COL18A1: variants seen among roughly 807,000 people sequenced by gnomAD.
The protein encoded by COL18A1 is collagen type XVIII alpha 1 chain.
Under a neutral mutation model 168.0 loss-of-function variants are expected in COL18A1, and 133 were observed. That is an observed-to-expected ratio of 0.79 (90% CI 0.69 to 0.91). The LOEUF is 0.91. Ranked by LOEUF, COL18A1 falls within the 40% of genes least tolerant of loss-of-function variation. The pLI, the probability that COL18A1 is intolerant of heterozygous loss-of-function variation, is 0.00. For synonymous variants in COL18A1, 949 were observed against 809.0 expected, an observed-to-expected ratio of 1.17 and a Z score of -2.94; for missense variants, 2,126 against 1,925.4, an observed-to-expected ratio of 1.10 and a Z score of -1.95.
chr21:45,511,023 ACCCCACATCCAC>A (rs1568954629), intron 40 of COL18A1, 76 bp from the exon 41 acceptor site: 9 of 242,464 alleles, frequency 3.7e-5, no homozygotes, highest in Non-Finnish European at 7.6e-5. Context: ...ACACATCCAC[ACCCCACATCCAC>A]ACACCCCCCC....
In COL18A1 at chr21:45,511,182, C is replaced by T. The variant is rs886057135; in HGVS notation, c.3765C>T (p.Arg1255=). Residue 1255 remains arginine, a synonymous_variant, in exon 41 of 42, where the codon CGC becomes CGT. Transcript: ENST00000651438. The part of the protein sequence containing the change: ...GSEGPLKPGA[R]IFSFDGKDVL... ...AGGGTCCGCTGAAGCCCGGGGCACG[C>T]ATCTTCTCCTTTGACGGCAAGGACG... 6.2e-7 allele frequency: 1 copy of T among 1,600,648 alleles called. No homozygotes were observed. The highest frequency in any genetic ancestry group is 1.1e-5 in the South Asian group (1 of 88,640).
intron 3 of COL18A1, among the ~76,000 whole-genome samples, chr21:45,469,635 T>G (rs572788192): frequency 6.6e-6 from 1 of 152,332 alleles, no homozygotes; most frequent in South Asian, 2.1e-4. Flanking sequence ...TGGGAACCTT[T>G]GGCTGGGAAC....
intron 8 of COL18A1, 35 bp from the exon 9 acceptor site, chr21:45,478,292 T>G (rs1367454864): frequency 1.2e-6 from 2 of 1,613,848 alleles, no homozygotes; most frequent in Non-Finnish European, 1.7e-6. Flanking sequence ...GGAGGAGTCA[T>G]TTCCCATCAC....
Position 45,468,750 on chromosome 21 carries a change from G to A in COL18A1, c.615G>A (p.Val205=). 6.2e-7 allele frequency: 1 copy of A among 1,607,650 alleles called. No homozygotes were observed. ...TGGAGCCTGGCGCCGGGCTCTTCGT[G>A]GCTCAGGCGGGGGGAGCGGACCCTG... The part of the protein sequence containing the change: ...LELEPGAGLF[V]AQAGGADPDK... Residue 205 remains valine, a synonymous_variant, in exon 3 of 42, where the codon GTG becomes GTA. Transcript: ENST00000651438.
At chr21:45,483,178 A>G (rs1318190516) in intron 15 of COL18A1, among the ~76,000 whole-genome samples, 1 of 151,554 alleles carries the variant, frequency 6.6e-6, no homozygotes, top group Admixed American at 6.6e-5. Flanking sequence ...GGGCTGGGCC[A>G]CAGCAGGTGG....
chr21:45,421,393 T>G (rs372223233), intron 2 of COL18A1: 28 of 533,448 alleles, frequency 5.2e-5, no homozygotes, highest in Non-Finnish European at 3.8e-5. Context: ...GGCACTGCGG[T>G]GCCTGGAGAG....
intron 17 of COL18A1, 153 bp downstream of exon 17, chr21:45,487,662 G>A (rs1019074157): frequency 2.3e-5 from 22 of 949,248 alleles, no homozygotes; most frequent in African/African-American, 6.4e-5. Context: ...TGTGCCCCGC[G>A]GGCCACCCTT....
intron 2 of COL18A1, among the ~76,000 whole-genome samples, chr21:45,411,150 G>C (rs1172045966): frequency 6.6e-6 from 1 of 152,208 alleles, no homozygotes; most frequent in African/African-American, 2.4e-5. Context: ...CCGTGGGCCT[G>C]TGGCGAAGTC....
chr21:45,434,929 G>A (rs1209247565), intron 2 of COL18A1, among the ~76,000 whole-genome samples: 1 of 152,162 alleles, frequency 6.6e-6, no homozygotes, highest in African/African-American at 2.4e-5. Context: ...ATGCTGACAG[G>A]CTGTGGCTTG....
chr21:45,474,802 G>GGACGTGGACCCACCGCCTC (rs2035583522), intron 4 of COL18A1, among the ~76,000 whole-genome samples: 1 of 147,554 alleles, frequency 6.8e-6, no homozygotes. Context: ...GAGACACCGT[G>GGACGTGGACCCACCGCCTC]GCTGGACTGT....
chr21:45,492,758 G>T (rs1239919163), intron 24 of COL18A1, 45 bp downstream of exon 24: 4 of 837,326 alleles, frequency 4.8e-6, no homozygotes, highest in African/African-American at 2.9e-5. Flanking sequence ...GGCTGGGGAG[G>T]GGTCTCCACC....
At chr21:45,426,474 C>T (rs1602357006) in intron 2 of COL18A1, among the ~76,000 whole-genome samples, 1 of 152,152 alleles carries the variant, frequency 6.6e-6, no homozygotes, top group Non-Finnish European at 1.5e-5. Context: ...CCCGGGCGGG[C>T]GTCCACACCC....
chr21:45,494,934 C>A lies in COL18A1; in HGVS notation c.2433+19C>A. 1 of 1,606,060 alleles carries A rather than the reference C, an allele frequency of 6.2e-7. No individual in the cohort carries two copies. Among genetic ancestry groups the A allele is most frequent in the East Asian group, 2.2e-5 (1 of 44,644 alleles). On this transcript the variant is annotated intron_variant, in intron 28 of 41. Transcript: ENST00000651438. ...ACGGCCGGTGAGGACCTGGGGTCTC[C>A]AGTGGGGGCGGCAGATGGGGTCTGG...
Position 45,508,450 on chromosome 21 carries a change from AGTGGATGG to A in COL18A1, c.3249+866_3249+873del, listed in dbSNP as rs1283342011. 2.1e-4 allele frequency among the ~76,000 whole-genome samples: 20 copies of A among 94,554 alleles called. 1 individual carries two copies. In the South Asian group the frequency reaches 3.2e-3, roughly 15 times the overall value. 62.0% of individuals were successfully genotyped at this position (94,554 alleles called of 152,430 possible). On this transcript the variant is annotated intron_variant, in intron 38 of 41. Coordinates refer to ENST00000651438, the MANE Select transcript of COL18A1 (RefSeq NM_001379500.1). The stretch of plus-strand genomic sequence containing the variant: ...TGGATGGATGGTGGGTAAGTGGGTG[AGTGGATGG>A]GTGGATGGACAGGTGGGTGAGTGGA...
In COL18A1 at chr21:45,440,569, T is replaced by C. The variant is rs555098431; in HGVS notation, c.107-27673T>C. Among the ~76,000 whole-genome samples, 73 of 145,810 alleles carry C rather than the reference T, an allele frequency of 5.0e-4. 1 individual carries two copies. The highest frequency in any genetic ancestry group is 1.7e-3 in the African/African-American group (67 of 38,692). The stretch of plus-strand genomic sequence containing the variant: ...TTCCCCGGAAGCAGTCGGGGCCTGC[T>C]GGGGTTTGAGCCACGTTCCCCGGAA... On this transcript the variant is annotated intron_variant, in intron 2 of 41. Coordinates refer to ENST00000651438, the MANE Select transcript of COL18A1 (RefSeq NM_001379500.1).
Position 45,512,304 on chromosome 21 carries a change from T to C in COL18A1, c.3926T>C (p.Leu1309Pro). 1.2e-6 allele frequency: 2 copies of C among 1,612,376 alleles called. No individual in the cohort carries two copies. Among genetic ancestry groups the C allele is most frequent in the Non-Finnish European group, 1.7e-6 (2 of 1,179,746 alleles). Residue 1309 changes from leucine (L) to proline (P), a missense_variant, in exon 42 of 42, where the codon CTG (leucine) becomes CCG (proline). By Grantham distance (98) the Leu-to-Pro change is moderately conservative. Coordinates refer to ENST00000651438, the MANE Select transcript of COL18A1 (RefSeq NM_001379500.1). ...PSATGQASSL[L>P]GGRLLGQSAA... ...GCCACGGGCCAGGCCTCCTCGCTGC[T>C]GGGGGGCAGGCTCCTGGGGCAGAGT...
At chr21:45,414,490 A>G (rs1401342856) in intron 2 of COL18A1, among the ~76,000 whole-genome samples, 1 of 152,218 alleles carries the variant, frequency 6.6e-6, no homozygotes, top group Non-Finnish European at 1.5e-5. Flanking sequence ...ACCTGTCCCA[A>G]TTCAGCCTTT....
rs906826113 is a variant in COL18A1, at chr21:45,423,310, C to T, written c.106+17837C>T. 6.6e-6 allele frequency among the ~76,000 whole-genome samples: 1 copy of T among 152,220 alleles called. No individual in the cohort carries two copies. Among genetic ancestry groups the T allele is most frequent in the Non-Finnish European group, 1.5e-5 (1 of 68,040 alleles). On this transcript the variant is annotated intron_variant, in intron 2 of 41. Coordinates refer to ENST00000651438, the MANE Select transcript of COL18A1 (RefSeq NM_001379500.1). This position sits in a 1 kb window ranked among gnomAD's most constrained non-coding sequence, Gnocchi z 4.0. ...TCCCTGAGTGTTGGCTGGTCCACTT[C>T]CTGAGCGTTGGCCAGCTGCCCTTGC...
At chr21:45,444,922 G>A (rs2034472750) in intron 2 of COL18A1, among the ~76,000 whole-genome samples, 1 of 152,164 alleles carries the variant, frequency 6.6e-6, no homozygotes, top group Non-Finnish European at 1.5e-5. Flanking sequence ...GCAGCATTAA[G>A]GATTGCGTGG....
Sources: allele counts gnomAD v4.1 joint callset (sites outside exome capture counted in the v4.1 genomes callset), GRCh38; gene constraint gnomAD v4.1.1; non-coding constraint Gnocchi (gnomAD v3.1); transcripts MANE v1.5; gene names NCBI Gene and HGNC (gene_info 2026-07-23, HGNC 2026-07-21).